The following HTR7 variants were observed in gnomAD, a reference collection of about 807,000 sequenced individuals.
The protein encoded by HTR7 is 5-hydroxytryptamine receptor 7, also known as 5-HT-7.
HTR7 carries 16 observed loss-of-function variants against 34.0 expected under a neutral mutation model. That is an observed-to-expected ratio of 0.47 (90% CI 0.32 to 0.71). The LOEUF (loss-of-function observed/expected upper bound fraction) is 0.71. Among genes scored for constraint, HTR7 ranks in the 30% least tolerant of loss-of-function variants. The probability of loss-of-function intolerance (pLI) is 0.04; values close to 1 mark genes in which losing one functional copy is unlikely to be tolerated. For missense variants in HTR7, 504 were observed against 625.5 expected (o/e 0.81, Z 2.07); for synonymous variants, 265 against 260.2 (o/e 1.02, Z -0.18).
chr10:90,851,604 CA>C (rs34310653), intron 1 of HTR7, among the ~76,000 whole-genome samples: 380 of 69,178 alleles, frequency 5.5e-3, no homozygotes, highest in Middle Eastern at 0.037. Flanking sequence ...GACTCCGTCC[CA>C]AAAAAAAAAA....
At chr10:90,795,828 T>C (rs1845529503) in intron 1 of HTR7, among the ~76,000 whole-genome samples, 1 of 152,182 alleles carries the variant, frequency 6.6e-6, no homozygotes, top group Admixed American at 6.5e-5. Context: ...AACTTGAAGC[T>C]TGCAGGGATC....
At chr10:90,815,580 G>A (rs897464909) in intron 1 of HTR7, among the ~76,000 whole-genome samples, 1 of 152,204 alleles carries the variant, frequency 6.6e-6, no homozygotes, top group Non-Finnish European at 1.5e-5. Context: ...TTTGTGGGGG[G>A]CCTGAGGGAG....
chr10:90,757,464 G>A (rs1029259710), intron 1 of HTR7, among the ~76,000 whole-genome samples: 2 of 152,196 alleles, frequency 1.3e-5, no homozygotes, highest in South Asian at 4.1e-4. Context: ...GCGGGATGTT[G>A]TCTGGTCCAG....
chr10:90,818,282 G>T (rs1564692559), intron 1 of HTR7, among the ~76,000 whole-genome samples: 1 of 152,206 alleles, frequency 6.6e-6, no homozygotes, highest in Non-Finnish European at 1.5e-5. Flanking sequence ...TTTGCAACTG[G>T]TGCAGTGGCT....
At chr10:90,757,943 A>G (rs1036122121) in intron 1 of HTR7, among the ~76,000 whole-genome samples, 1 of 152,210 alleles carries the variant, frequency 6.6e-6, no homozygotes, top group Non-Finnish European at 1.5e-5. Context: ...AGATGTTAAA[A>G]CAGCAGAATG....
At chr10:90,843,162 CCTT>C (rs1186043214) in intron 1 of HTR7, among the ~76,000 whole-genome samples, 1 of 151,902 alleles carries the variant, frequency 6.6e-6, no homozygotes, top group Admixed American at 6.6e-5. Flanking sequence ...TTCCTTCCCT[CCTT>C]TTTTTTTCTT....
At chr10:90,784,977 T>G (rs1197806900) in intron 1 of HTR7, among the ~76,000 whole-genome samples, 1 of 152,210 alleles carries the variant, frequency 6.6e-6, no homozygotes, top group Non-Finnish European at 1.5e-5. Flanking sequence ...AGGCTAAGAC[T>G]TACTCATTTT....
At chr10:90,771,459 C>G (rs916365427) in intron 1 of HTR7, among the ~76,000 whole-genome samples, 3 of 152,210 alleles carry the variant, frequency 2.0e-5, no homozygotes, top group African/African-American at 7.2e-5. Context: ...TTGGGGAGAC[C>G]AGACCTGAGG....
intron 1 of HTR7, among the ~76,000 whole-genome samples, chr10:90,846,665 T>C (rs1159140309): frequency 6.6e-6 from 1 of 152,208 alleles, no homozygotes; most frequent in Non-Finnish European, 1.5e-5. Context: ...CACACACCAA[T>C]TTTCTTGAAG....
At chr10:90,787,884 G>T (rs572491478) in intron 1 of HTR7, among the ~76,000 whole-genome samples, 1 of 151,718 alleles carries the variant, frequency 6.6e-6, no homozygotes, top group Non-Finnish European at 1.5e-5. Flanking sequence ...GACCTCTTCC[G>T]CTTGCTCCCT....
At chr10:90,827,047 T>A (rs1421856586) in intron 1 of HTR7, among the ~76,000 whole-genome samples, 1 of 151,486 alleles carries the variant, frequency 6.6e-6, no homozygotes, top group Non-Finnish European at 1.5e-5. Context: ...AAACAAAACA[T>A]ACCACAAATA....
Position 90,751,582 on chromosome 10 carries a change from C to A in HTR7, c.540-1988G>T, listed in dbSNP as rs148509168. On this transcript the variant is annotated intron_variant, in intron 1 of 3. Coordinates refer to ENST00000336152, the MANE Select transcript of HTR7 (RefSeq NM_019859.4). ...GTAGAGGTTACTTTACACAATTCCC[C>A]AGGAGGCCACCAGATGGCATTGTCA... Among the ~76,000 whole-genome samples the A allele has an allele frequency of 4.8e-3, 730 of 152,246 alleles. 3 individuals carry two copies. The highest frequency in any genetic ancestry group is 8.0e-3 in the Non-Finnish European group (541 of 68,004).
intron 1 of HTR7, among the ~76,000 whole-genome samples, chr10:90,825,156 G>C (rs1361231934): frequency 3.3e-5 from 5 of 152,182 alleles, no homozygotes; most frequent in Admixed American, 2.6e-4. Flanking sequence ...AGAAAGTAAG[G>C]CAAGAATATG....
intron 1 of HTR7, among the ~76,000 whole-genome samples, chr10:90,824,617 G>A (rs1846041025): frequency 6.6e-6 from 1 of 152,188 alleles, no homozygotes; most frequent in Non-Finnish European, 1.5e-5. Flanking sequence ...TTCTGGACCT[G>A]TCCTGGGCCA....
chr10:90,761,855 G>A (rs1263706875), intron 1 of HTR7, among the ~76,000 whole-genome samples: 1 of 152,052 alleles, frequency 6.6e-6, no homozygotes, highest in East Asian at 1.9e-4. Flanking sequence ...TGACTTTTTA[G>A]ATTCCACAAA....
intron 1 of HTR7, among the ~76,000 whole-genome samples, chr10:90,753,021 G>A (rs1480806891): frequency 6.6e-6 from 1 of 152,064 alleles, no homozygotes; most frequent in Non-Finnish European, 1.5e-5. Flanking sequence ...ACATTTATAA[G>A]CAACATTTAG....
At chr10:90,854,856 C>G (rs1468236135) in intron 1 of HTR7, among the ~76,000 whole-genome samples, 1 of 152,076 alleles carries the variant, frequency 6.6e-6, no homozygotes, top group Admixed American at 6.6e-5. Context: ...CTGCACAAAG[C>G]ACAGTGTAAC....
In HTR7 at chr10:90,742,044, AGTTT is replaced by A. The variant is rs1844557739; in HGVS notation, c.*434_*437del. 6.5e-6 allele frequency: 1 copy of A among 153,986 alleles called. No individual in the cohort carries two copies. The highest frequency in any genetic ancestry group is 2.4e-5 in the African/African-American group (1 of 41,512). 9.5% of individuals were successfully genotyped at this position (153,986 alleles called of 1,614,324 possible). ...ACATATTCAACACTACGCTCACCGC[AGTTT>A]GCTTGGAAAAGCCTTCTGTCATACA... On this transcript the variant is annotated 3_prime_UTR_variant, in exon 4 of 4. Coordinates refer to ENST00000336152, the MANE Select transcript of HTR7 (RefSeq NM_019859.4).
At chr10:90,782,736 T>C (rs889578651) in intron 1 of HTR7, among the ~76,000 whole-genome samples, 2 of 152,238 alleles carry the variant, frequency 1.3e-5, no homozygotes, top group Non-Finnish European at 2.9e-5. Context: ...CAAGTGTTCA[T>C]TGACATGTAC....
Sources: allele counts gnomAD v4.1 joint callset (sites outside exome capture counted in the v4.1 genomes callset), GRCh38; gene constraint gnomAD v4.1.1; transcripts MANE v1.5; gene names NCBI Gene and HGNC (gene_info 2026-07-23, HGNC 2026-07-21).